AGTPBP1: variants seen among roughly 807,000 people sequenced by gnomAD.
AGTPBP1 encodes ATP/GTP binding carboxypeptidase 1, also known as cytosolic carboxypeptidase 1.
AGTPBP1 carries 70 observed loss-of-function variants against 143.9 expected under a neutral mutation model. The ratio of observed to expected loss-of-function variants is 0.49; its 90% CI spans 0.40 to 0.59. AGTPBP1 has a LOEUF of 0.59. AGTPBP1 is among the 20% of genes least tolerant of loss of function. AGTPBP1 has a pLI of 0.00. For synonymous variants in AGTPBP1, 463 were observed against 500.2 expected, an observed-to-expected ratio of 0.93 and a Z score of 0.99; for missense variants, 1,229 against 1,464.5, an observed-to-expected ratio of 0.84 and a Z score of 2.62.
At position 85,579,073 on chromosome 9, in the gene AGTPBP1, A is replaced by T; in HGVS notation, c.3189T>A (p.His1063Gln). The part of the protein sequence containing the change: ...GYRTLPKILS[H>Q]IAPAFCMSSC... ...TGCTCATGCAAAATGCTGGGGCGATATGGCTCAGTATCTTAGGCAATGTCT... is the reference window on the plus strand; with the variant it reads ...TGCTCATGCAAAATGCTGGGGCGATTTGGCTCAGTATCTTAGGCAATGTCT... Residue 1063 changes from histidine to glutamine, a missense_variant, in exon 24 of 26, where the codon CAT (histidine) becomes CAA (glutamine). By Grantham distance (24) the His-to-Gln change is conservative. Transcript: ENST00000357081. 1 of 1,606,866 alleles carries T rather than the reference A, an allele frequency of 6.2e-7. No homozygotes were observed. Among genetic ancestry groups the T allele is most frequent in the Non-Finnish European group, 8.5e-7 (1 of 1,177,934 alleles).
At chr9:85,760,043 C>T in the AGTPBP1 span, among the ~76,000 whole-genome samples, 2 of 152,088 alleles carry the variant, frequency 1.3e-5, no homozygotes, top group South Asian at 2.1e-4. Context: ...TTCCTGGACA[C>T]GTACACCCTC....
chr9:85,705,626 A>T (rs905473483), intron 2 of AGTPBP1, among the ~76,000 whole-genome samples: 3 of 152,250 alleles, frequency 2.0e-5, no homozygotes, highest in Non-Finnish European at 4.4e-5. Context: ...TGCTGGGTCT[A>T]TAACATAGGT....
chr9:85,685,805 G>C (rs1835452181), intron 3 of AGTPBP1, among the ~76,000 whole-genome samples: 1 of 152,000 alleles, frequency 6.6e-6, no homozygotes, highest in African/African-American at 2.4e-5. Context: ...AATGTATACA[G>C]ATGTAGATAC....
chr9:85,724,830 C>G (rs1838366969), intron 1 of AGTPBP1, among the ~76,000 whole-genome samples: 1 of 152,180 alleles, frequency 6.6e-6, no homozygotes, highest in Non-Finnish European at 1.5e-5. Context: ...AATGCCAGCA[C>G]ATTGCAGGTG....
chr9:85,667,281 C>T (rs1457703930), intron 8 of AGTPBP1, among the ~76,000 whole-genome samples: 1 of 151,992 alleles, frequency 6.6e-6, no homozygotes, highest in Non-Finnish European at 1.5e-5. Flanking sequence ...TGCAAGTAAG[C>T]TCAGAAAATA....
intron 2 of AGTPBP1, among the ~76,000 whole-genome samples, chr9:85,704,355 G>C (rs139364436): frequency 6.6e-6 from 1 of 152,282 alleles, no homozygotes; most frequent in Non-Finnish European, 1.5e-5. Context: ...CAGCGCAGGA[G>C]TGTAAGGAAA....
At chr9:85,672,730 T>A (rs1834567519) in intron 6 of AGTPBP1, 49 bp from the exon 7 acceptor site, 1 of 1,413,868 alleles carries the variant, frequency 7.1e-7, no homozygotes, top group Non-Finnish European at 9.5e-7. Flanking sequence ...CTTTTCTTTT[T>A]AATTTTTTTT....
chr9:85,601,777 G>C (rs1323623693), intron 17 of AGTPBP1, among the ~76,000 whole-genome samples: 1 of 152,160 alleles, frequency 6.6e-6, no homozygotes, highest in Non-Finnish European at 1.5e-5. Flanking sequence ...AGTCATGCTG[G>C]GTCCTAAGGA....
the AGTPBP1 span, among the ~76,000 whole-genome samples, chr9:85,759,340 A>T: frequency 1.3e-5 from 2 of 152,326 alleles, no homozygotes; most frequent in African/African-American, 4.8e-5. Context: ...ACCACATCAC[A>T]CTTATTCCAA....
upstream of AGTPBP1, among the ~76,000 whole-genome samples, chr9:85,746,519 C>T (rs1452004387): frequency 6.6e-6 from 1 of 152,202 alleles, no homozygotes; most frequent in African/African-American, 2.4e-5. Flanking sequence ...GTCCTAGCTA[C>T]TTGGGAGGCT....
intron 1 of AGTPBP1, among the ~76,000 whole-genome samples, chr9:85,733,266 T>C (rs1839008260): frequency 6.6e-6 from 1 of 152,190 alleles, no homozygotes; most frequent in Non-Finnish European, 1.5e-5. Context: ...AAGATATTTA[T>C]CATACAAAGT....
chr9:85,738,567 G>A (rs1436386705), intron 1 of AGTPBP1, among the ~76,000 whole-genome samples: 1 of 152,106 alleles, frequency 6.6e-6, no homozygotes, highest in East Asian at 1.9e-4. Flanking sequence ...TATAGTCAAA[G>A]AAACACCCAA....
intron 1 of AGTPBP1, among the ~76,000 whole-genome samples, chr9:85,724,163 T>C (rs1205235821): frequency 6.6e-6 from 1 of 151,806 alleles, no homozygotes; most frequent in Non-Finnish European, 1.5e-5. Flanking sequence ...GGTGAGTACT[T>C]GTAATCCAAG....
intron 19 of AGTPBP1, 143 bp from the exon 20 acceptor site, chr9:85,589,824 C>T: frequency 1.3e-6 from 1 of 778,390 alleles, no homozygotes; most frequent in Non-Finnish European, 2.0e-6. Flanking sequence ...CCAGATGTAG[C>T]CTAAACATCA....
intron 1 of AGTPBP1, chr9:85,741,226 C>G: frequency 1.0e-6 from 1 of 985,440 alleles, no homozygotes; most frequent in South Asian, 4.7e-5. Context: ...AACCACCCAG[C>G]GAGAGGAAGC....
intron 18 of AGTPBP1, among the ~76,000 whole-genome samples, chr9:85,593,186 T>C (rs1205182349): frequency 2.0e-5 from 3 of 152,194 alleles, no homozygotes; most frequent in Non-Finnish European, 4.4e-5. Context: ...ACCTATTAAG[T>C]ATTCTTGCCA....
At chr9:85,702,877 T>C (rs146056047) in intron 2 of AGTPBP1, among the ~76,000 whole-genome samples, 1 of 152,280 alleles carries the variant, frequency 6.6e-6, no homozygotes, top group Admixed American at 6.5e-5. Flanking sequence ...AATTGTTGAA[T>C]AGTCTGCCTG....
chr9:85,583,279 A>AT (rs1364632553), intron 23 of AGTPBP1, among the ~76,000 whole-genome samples: 1 of 152,212 alleles, frequency 6.6e-6, no homozygotes, highest in African/African-American at 2.4e-5. Flanking sequence ...GTAGTCTGCT[A>AT]TAACAGCAAT....
At chr9:85,755,240 A>G in the AGTPBP1 span, among the ~76,000 whole-genome samples, 1 of 152,274 alleles carries the variant, frequency 6.6e-6, no homozygotes, top group East Asian at 1.9e-4. Context: ...GGACTAGGAA[A>G]TAATACTATA....
Sources: gnomAD v4.1 joint callset for allele counts (sites outside exome capture counted in the v4.1 genomes callset) on GRCh38, gnomAD v4.1.1 for gene constraint, MANE v1.5 for transcripts, NCBI Gene and HGNC (gene_info 2026-07-23, HGNC 2026-07-21) for gene names.